The following SLC2A6 variants were observed in gnomAD, a reference collection of about 807,000 sequenced individuals.
SLC2A6 encodes solute carrier family 2 member 6.
Under a neutral mutation model 47.8 loss-of-function variants are expected in SLC2A6, and 39 were observed. That is an observed-to-expected ratio of 0.82 (90% CI 0.63 to 1.07). SLC2A6 has a LOEUF of 1.07. Ranked by LOEUF, SLC2A6 falls within the 50% of genes least tolerant of loss-of-function variation. The pLI is 0.00. For missense variants in SLC2A6, 650 were observed against 707.6 expected, an observed-to-expected ratio of 0.92 and a Z score of 0.92; for synonymous variants, 346 against 324.1, an observed-to-expected ratio of 1.07 and a Z score of -0.73.
chr9:133,473,325 T>C, intron 8 of SLC2A6, 75 bp from the exon 9 acceptor site: 1 of 1,540,024 alleles, frequency 6.5e-7, no homozygotes, highest in Admixed American at 2.1e-5. Context: ...GCTGAGCTGC[T>C]GGAGACCCCC....
In SLC2A6 at chr9:133,473,074, AGGGGCCT is replaced by A. The variant is rs782204046; in HGVS notation, c.1368+24_1368+30del. On this transcript the variant is annotated intron_variant, in intron 9 of 9. Coordinates refer to ENST00000371899, the MANE Select transcript of SLC2A6 (RefSeq NM_017585.4). ...GGTCCTGGCCAGTCAGAGAGGGCCT[AGGGGCCT>A]GGGGCCTGGGGCTGAACACTCACCA... 27 of 1,585,872 alleles carry A rather than the reference AGGGGCCT, an allele frequency of 1.7e-5. No individual in the cohort carries two copies. In the African/African-American group the frequency reaches 1.8e-4, roughly 10 times the overall value.
At chr9:133,476,173 G>A (rs782713982) in intron 4 of SLC2A6, 64 bp downstream of exon 4, 32 of 1,288,000 alleles carry the variant, frequency 2.5e-5, no homozygotes, top group East Asian at 2.4e-5. Flanking sequence ...TTCCACCCAC[G>A]TCTACCTTGG....
intron 5 of SLC2A6, 63 bp from the exon 6 acceptor site, chr9:133,475,176 C>T (rs1843893556): frequency 1.4e-6 from 2 of 1,460,404 alleles, no homozygotes; most frequent in South Asian, 2.8e-5. Flanking sequence ...CCATCCTGCC[C>T]TGGACCGCCA....
chr9:133,475,639 A>G (rs1843917312), intron 4 of SLC2A6, 28 bp from the exon 5 acceptor site: 1 of 1,550,222 alleles, frequency 6.5e-7, no homozygotes. Context: ...GTGAGGGGCC[A>G]GGTCCAGGCC....
chr9:133,474,804 G>C (rs145973110), intron 6 of SLC2A6, among the ~76,000 whole-genome samples, 157 bp downstream of exon 6: 127 of 152,358 alleles, frequency 8.3e-4, no homozygotes, highest in African/African-American at 2.9e-3. Context: ...ACAAGGCCCA[G>C]ATCTCAGATC....
rs587737062 is a variant in SLC2A6 at position 133,475,518 on chromosome 9, C to T, written c.656G>A (p.Arg219His). The T allele has an allele frequency of 1.4e-5, 23 of 1,611,072 alleles. No homozygotes were observed. The highest frequency in any genetic ancestry group is 1.2e-4 in the African/African-American group (9 of 74,914). The stretch of plus-strand genomic sequence containing the variant: ...GTCCCTGCCCCGAGAGAGCAGGAAG[C>T]GCGGCGAGTTGGGCATGAAGCTGAG... Reference protein sequence around the residue: ...LLLSFMPNSPRFLLSRGRDEE... With the variant: ...LLLSFMPNSPHFLLSRGRDEE... The change falls in exon 5 of 10, where the codon CGC becomes CAC. Residue 219 changes from arginine (R) to histidine (H), a missense_variant. Physicochemically the swap from Arg to His is conservative, Grantham distance 29. Coordinates refer to ENST00000371899, the MANE Select transcript of SLC2A6 (RefSeq NM_017585.4).
At position 133,473,141 on chromosome 9, in the gene SLC2A6, G is replaced by A. The variant is rs1244791729; in HGVS notation, c.1332C>T (p.Thr444=). The change falls in exon 9 of 10, where the codon ACC becomes ACT. Residue 444 remains threonine, a synonymous_variant. Transcript: ENST00000371899. ...SGLCVLASWL[T]AFVLTKSFLP... ...GGAAGGACTTGGTGAGGACGAAGGC[G>A]GTGAGCCAGCTGGCCAGCACGCAGA... The A allele has an allele frequency of 1.4e-5, 22 of 1,611,490 alleles. No homozygotes were observed. Among genetic ancestry groups the A allele is most frequent in the Non-Finnish European group, 1.6e-5 (19 of 1,179,580 alleles).
At chr9:133,475,845 G>A (rs1843925904) in intron 4 of SLC2A6, among the ~76,000 whole-genome samples, 2 of 152,266 alleles carry the variant, frequency 1.3e-5, no homozygotes, top group African/African-American at 4.8e-5. Context: ...GGAAGGGGTA[G>A]GTTGGGCAGG....
chr9:133,478,143 G>C, intron 2 of SLC2A6, 111 bp downstream of exon 2: 1 of 1,172,942 alleles, frequency 8.5e-7, no homozygotes, highest in Non-Finnish European at 1.2e-6. Flanking sequence ...GGGGGGACCA[G>C]GGCCCTGGAG....
intron 5 of SLC2A6, 69 bp from the exon 6 acceptor site, chr9:133,475,182 C>A (rs782042195): frequency 3.5e-6 from 5 of 1,444,290 alleles, no homozygotes; most frequent in Admixed American, 2.7e-5. Flanking sequence ...TGCCCTGGAC[C>A]GCCAGGGGTT....
chr9:133,478,172 A>G, intron 2 of SLC2A6, 82 bp downstream of exon 2: 1 of 1,495,854 alleles, frequency 6.7e-7, no homozygotes. Context: ...AAGGTGGAGA[A>G]TTTGGGAGGT....
At chr9:133,477,905 CCTT>C (rs1042416403) in intron 2 of SLC2A6, among the ~76,000 whole-genome samples, 1 of 152,230 alleles carries the variant, frequency 6.6e-6, no homozygotes, top group African/African-American at 2.4e-5. Context: ...TGCGGACTCT[CCTT>C]GCCCCAGCCA....
Position 133,472,077 on chromosome 9 carries a change from A to T in SLC2A6, c.1468T>A (p.Ser490Thr). ...GCCVPETKGR[S>T]LEQIESFFRT... ...AAGAAGGACTCGATCTGCTCCAGGG[A>T]CCGTCCCTTGGTCTCGGGCACACAG... Residue 490 changes from serine (S) to threonine (T), a missense_variant, in exon 10 of 10, where the codon TCC becomes ACC. By Grantham distance (58) the Ser-to-Thr change is moderately conservative. Transcript: ENST00000371899. 1 of 1,613,322 alleles carries T rather than the reference A, an allele frequency of 6.2e-7. No individual in the cohort carries two copies. The highest frequency in any genetic ancestry group is 8.5e-7 in the Non-Finnish European group (1 of 1,179,934).
At chr9:133,473,640 T>TGAGCCAGCTGTTTCTCTCA in intron 7 of SLC2A6, 40 bp from the exon 8 acceptor site, 6 of 1,473,030 alleles carry the variant, frequency 4.1e-6, no homozygotes, top group Non-Finnish European at 5.4e-6. Flanking sequence ...CAGGACCCTC[T>TGAGCCAGCTGTTTCTCTCA]GAGCCAGCTG....
At chr9:133,472,260 G>A (rs1378617053) in intron 9 of SLC2A6, 84 bp from the exon 10 acceptor site, 2 of 1,511,600 alleles carry the variant, frequency 1.3e-6, no homozygotes, top group East Asian at 2.3e-5. Context: ...GCTGCTGGTA[G>A]TGACCAGCCC....
intron 8 of SLC2A6, 40 bp downstream of exon 8, chr9:133,473,375 C>A: frequency 1.3e-6 from 2 of 1,550,088 alleles, no homozygotes; most frequent in East Asian, 2.4e-5. Flanking sequence ...TCCCTTAACA[C>A]CCAAGACAGC....
At chr9:133,473,912 T>C (rs1588241686) in intron 7 of SLC2A6, 68 bp downstream of exon 7, 2 of 1,281,364 alleles carry the variant, frequency 1.6e-6, no homozygotes, top group Non-Finnish European at 2.2e-6. Context: ...GAGGCAGGCC[T>C]GCACACCCAG....
chr9:133,475,523 C>A lies in SLC2A6; in HGVS notation c.651G>T (p.Ser217=), dbSNP rs782135016. The part of the protein sequence containing the change: ...MILLLSFMPN[S]PRFLLSRGRD... ...TGCCCCGAGAGAGCAGGAAGCGCGG[C>A]GAGTTGGGCATGAAGCTGAGCAGCA... Residue 217 remains serine (S), a synonymous_variant, in exon 5 of 10, where the codon TCG becomes TCT. Transcript: ENST00000371899. The A allele has an allele frequency of 6.2e-7, 1 of 1,610,958 alleles. No individual in the cohort carries two copies. Among genetic ancestry groups the A allele is most frequent in the Non-Finnish European group, 8.5e-7 (1 of 1,179,790 alleles).
intron 6 of SLC2A6, among the ~76,000 whole-genome samples, chr9:133,474,438 T>C (rs958729188): frequency 2.0e-5 from 3 of 152,194 alleles, no homozygotes; most frequent in Admixed American, 6.5e-5. Context: ...GAGGAGGAAG[T>C]TGAGGTTCAG....
Sources: allele counts gnomAD v4.1 joint callset (sites outside exome capture counted in the v4.1 genomes callset), GRCh38; gene constraint gnomAD v4.1.1; transcripts MANE v1.5; gene names NCBI Gene and HGNC (gene_info 2026-07-23, HGNC 2026-07-21).